The following SUCO variants were observed in gnomAD, a reference collection of about 807,000 sequenced individuals.
SUCO encodes SUN domain-containing ossification factor.
In SUCO, 57 loss-of-function variants were observed where a neutral mutation model predicts 148.1. The observed-to-expected ratio is 0.38, with a 90% CI of 0.31 to 0.48. The LOEUF (loss-of-function observed/expected upper bound fraction) is 0.48. SUCO is among the 20% of genes least tolerant of loss of function. SUCO has a pLI of 0.96. For missense variants in SUCO, 1,331 were observed against 1,468.2 expected (o/e 0.91, Z 1.53); for synonymous variants, 470 against 502.7 (o/e 0.93, Z 0.87).
chr1:172,595,444 T>A (rs1657023742), intron 19 of SUCO, among the ~76,000 whole-genome samples: 1 of 152,218 alleles, frequency 6.6e-6, no homozygotes, highest in Non-Finnish European at 1.5e-5. Flanking sequence ...CTTTTCGTGC[T>A]TCCTTCAGGA....
chr1:172,573,959 C>G lies in SUCO; in HGVS notation c.1118C>G (p.Ser373Cys). The G allele has an allele frequency of 6.3e-7, 1 of 1,598,256 alleles. No homozygotes were observed. The highest frequency in any genetic ancestry group is 8.6e-7 in the Non-Finnish European group (1 of 1,168,288). The change falls in exon 10 of 24, where the codon TCT (serine) becomes TGT (cysteine). Residue 373 changes from serine (S) to cysteine (C), a missense_variant. Around this residue, in one of 3 missense-constraint regions of SUCO, gnomAD observed 992 missense variants for 1,093.5 expected, o/e 0.91. Coordinates refer to ENST00000263688, the MANE Select transcript of SUCO (RefSeq NM_014283.5). Reference sequence around the variant, plus strand: ...GATATTGCAAATTATGAATTATTTTCTTCTACTCCTAAAGATTTTCTGGTT... The same window carrying G: ...GATATTGCAAATTATGAATTATTTTGTTCTACTCCTAAAGATTTTCTGGTT... Reference protein sequence around the residue: ...QLDIANYELFSSTPKDFLVSI... With the variant: ...QLDIANYELFCSTPKDFLVSI...
rs1224916510 is a variant in SUCO, at chr1:172,588,884, C to T, written c.1783C>T (p.Leu595Phe). ...GGAGGCAAGTCCATCTACAGTGACC[C>T]TTCTGGGCAGCGGTGAACAGGAAGA... Reference protein sequence around the residue: ...EEEASPSTVTLLGSGEQEDES... With the variant: ...EEEASPSTVTFLGSGEQEDES... Residue 595 changes from leucine to phenylalanine, a missense_variant, in exon 18 of 24, where the codon CTT (leucine) becomes TTT (phenylalanine). Leu to Phe is a conservative substitution (Grantham distance 22). Transcript: ENST00000263688. 1 of 1,613,320 alleles carries T rather than the reference C, an allele frequency of 6.2e-7. No homozygotes were observed. Among genetic ancestry groups the T allele is most frequent in the Non-Finnish European group, 8.5e-7 (1 of 1,179,748 alleles).
At chr1:172,553,498 CTTAA>C (rs918033896) in intron 3 of SUCO, 128 bp downstream of exon 3, 9 of 471,444 alleles carry the variant, frequency 1.9e-5, no homozygotes, top group African/African-American at 1.8e-4. Flanking sequence ...TGTAACTGGA[CTTAA>C]GATTACTTAC....
At chr1:172,562,948 T>C (rs1654291564) in intron 6 of SUCO, among the ~76,000 whole-genome samples, 1 of 152,124 alleles carries the variant, frequency 6.6e-6, no homozygotes, top group Non-Finnish European at 1.5e-5. Context: ...AGTTTAAAAG[T>C]GTGTAGTGCT....
intron 1 of SUCO, among the ~76,000 whole-genome samples, chr1:172,533,962 C>T (rs927478832): frequency 6.6e-6 from 1 of 152,124 alleles, no homozygotes; most frequent in African/African-American, 2.4e-5. Flanking sequence ...AATGTATAAG[C>T]AGTAGTTCTC....
At chr1:172,602,563 A>G in intron 21 of SUCO, 133 bp from the exon 22 acceptor site, 2 of 1,457,000 alleles carry the variant, frequency 1.4e-6, no homozygotes, top group Non-Finnish European at 1.8e-6. Flanking sequence ...CTGTATTAGC[A>G]ATAACTGGAG....
At chr1:172,596,881 C>G (rs971916091) in intron 19 of SUCO, among the ~76,000 whole-genome samples, 5 of 152,250 alleles carry the variant, frequency 3.3e-5, no homozygotes, top group Non-Finnish European at 7.3e-5. Context: ...GCCCTGCCCC[C>G]AGAGACGGAG....
chr1:172,535,854 TC>T (rs1651975552), intron 1 of SUCO, among the ~76,000 whole-genome samples: 1 of 152,128 alleles, frequency 6.6e-6, no homozygotes, highest in African/African-American at 2.4e-5. Context: ...TGATTATGTC[TC>T]CCCTCTGCTT....
At chr1:172,537,363 A>G (rs1032541199) in intron 1 of SUCO, among the ~76,000 whole-genome samples, 5 of 152,166 alleles carry the variant, frequency 3.3e-5, no homozygotes, top group South Asian at 2.1e-4. Context: ...TGATTGACCT[A>G]CTAGATTATT....
intron 10 of SUCO, chr1:172,574,968 G>A: frequency 1.2e-6 from 1 of 857,564 alleles, no homozygotes; most frequent in African/African-American, 1.8e-5. Flanking sequence ...GCTCTGATAA[G>A]TAAAGTGTAT....
At chr1:172,533,022 G>T, upstream of SUCO, 4 of 1,428,742 alleles carry the variant, frequency 2.8e-6, no homozygotes, top group Non-Finnish European at 3.7e-6. Flanking sequence ...TGGGTGACGC[G>T]TCCCTTTCCA....
rs9701109 is a variant in SUCO, at chr1:172,533,319, C to G, written c.-117C>G. The G allele has an allele frequency of 1.3e-6, 2 of 1,551,116 alleles. No individual in the cohort carries two copies. The highest frequency in any genetic ancestry group is 2.7e-5 in the African/African-American group (2 of 73,028). The stretch of plus-strand genomic sequence containing the variant: ...GAGCCGCTCAGCCAGCGCCATAGCC[C>G]TTAGGACTATCGGTCACATTCTCGC... On this transcript the variant is annotated 5_prime_UTR_variant, in exon 1 of 24. Transcript: ENST00000263688.
At chr1:172,549,321 CTAA>C (rs1412747473) in intron 1 of SUCO, among the ~76,000 whole-genome samples, 1 of 151,768 alleles carries the variant, frequency 6.6e-6, no homozygotes, top group Admixed American at 6.6e-5. Context: ...TTAGCCAAGC[CTAA>C]TAATTGCAGA....
chr1:172,540,899 C>T (rs1361464575), intron 1 of SUCO, among the ~76,000 whole-genome samples: 1 of 152,058 alleles, frequency 6.6e-6, no homozygotes, highest in Non-Finnish European at 1.5e-5. Flanking sequence ...AGAGAGATTT[C>T]AGAGATTGTG....
rs1316868567 is a variant in SUCO, at chr1:172,589,327, T to C, written c.2226T>C (p.Asn742=). The change falls in exon 18 of 24, where the codon AAT becomes AAC. Residue 742 remains asparagine, a synonymous_variant. Transcript: ENST00000263688. ...TTTTAGATATTACCCCAGAAATCAATCCCTTGCCTAAAATAGAAGTATCTG... is the reference window on the plus strand; with the variant it reads ...TTTTAGATATTACCCCAGAAATCAACCCCTTGCCTAAAATAGAAGTATCTG... ...SLLLDITPEI[N]PLPKIEVSES... 1 of 1,613,364 alleles carries C rather than the reference T, an allele frequency of 6.2e-7. No homozygotes were observed. The highest frequency in any genetic ancestry group is 8.5e-7 in the Non-Finnish European group (1 of 1,179,716).
At chr1:172,565,704 A>G (rs527556507) in intron 6 of SUCO, among the ~76,000 whole-genome samples, 3 of 152,328 alleles carry the variant, frequency 2.0e-5, no homozygotes, top group African/African-American at 7.2e-5. Flanking sequence ...ACCTTAAATA[A>G]TTGCCACACA....
chr1:172,578,670 C>A, intron 14 of SUCO: 1 of 427,766 alleles, frequency 2.3e-6, no homozygotes, highest in Non-Finnish European at 3.1e-6. Context: ...TATGCCAGGG[C>A]CAAAAATCTG....
At chr1:172,572,495 A>C (rs1367396142) in intron 9 of SUCO, among the ~76,000 whole-genome samples, 1 of 151,922 alleles carries the variant, frequency 6.6e-6, no homozygotes, top group East Asian at 1.9e-4. Context: ...CAGATGCTTG[A>C]AGGCAGCATG....
At chr1:172,572,398 A>AC (rs1250838312) in intron 9 of SUCO, among the ~76,000 whole-genome samples, 3 of 151,648 alleles carry the variant, frequency 2.0e-5, no homozygotes, top group Non-Finnish European at 4.4e-5. Context: ...CGGTGACCCT[A>AC]CCCCCAACCC....
Sources: allele counts gnomAD v4.1 joint callset (sites outside exome capture counted in the v4.1 genomes callset), GRCh38; gene constraint gnomAD v4.1.1; regional missense constraint gnomAD v4.1.1; transcripts MANE v1.5; gene names NCBI Gene and HGNC (gene_info 2026-07-23, HGNC 2026-07-21).